DAB2IP: variants seen among roughly 807,000 people sequenced by gnomAD.
DAB2IP encodes the protein disabled homolog 2-interacting protein.
Under a neutral mutation model 107.2 loss-of-function variants are expected in DAB2IP, and 28 were observed. The ratio of observed to expected loss-of-function variants is 0.26; its 90% CI spans 0.19 to 0.36. DAB2IP has a LOEUF of 0.36. Ranked by LOEUF, DAB2IP falls within the 10% of genes least tolerant of loss-of-function variation. The pLI is 1.00. For synonymous variants in DAB2IP, 755 were observed against 706.4 expected (o/e 1.07, Z -1.09); for missense variants, 1,400 against 1,644.7 (o/e 0.85, Z 2.57).
intron 1 of DAB2IP, among the ~76,000 whole-genome samples, chr9:121,612,338 ATTATTT>A (rs1554848951): frequency 6.6e-6 from 1 of 152,068 alleles, no homozygotes; most frequent in Non-Finnish European, 1.5e-5. Flanking sequence ...AAAAAAAATT[ATTATTT>A]TTAATGTGAA....
intron 1 of DAB2IP, among the ~76,000 whole-genome samples, chr9:121,673,670 C>T (rs7028723): frequency 0.016 from 2,392 of 152,204 alleles, 47 homozygotes; most frequent in African/African-American, 0.052. Context: ...CATTGAGAAA[C>T]GTGGGTCCAG....
At chr9:121,626,854 T>G (rs1300519344) in intron 1 of DAB2IP, among the ~76,000 whole-genome samples, 2 of 151,644 alleles carry the variant, frequency 1.3e-5, no homozygotes, top group Non-Finnish European at 2.9e-5. Context: ...CTCTTGTGTT[T>G]TGAATTTCTA....
chr9:121,641,040 T>C (rs997074425), intron 1 of DAB2IP, among the ~76,000 whole-genome samples: 3 of 152,152 alleles, frequency 2.0e-5, no homozygotes, highest in African/African-American at 7.2e-5. Context: ...TAATCATTAA[T>C]TGCCAAGAGA....
At chr9:121,778,409 A>G (rs529784541) in intron 14 of DAB2IP, among the ~76,000 whole-genome samples, 60 of 152,242 alleles carry the variant, frequency 3.9e-4, no homozygotes, top group African/African-American at 1.4e-3. Context: ...GCACCATACT[A>G]TTGGGTCTTG....
At chr9:121,756,238 C>T (rs1043164399) in intron 3 of DAB2IP, among the ~76,000 whole-genome samples, 2 of 152,202 alleles carry the variant, frequency 1.3e-5, no homozygotes, top group East Asian at 3.9e-4. Flanking sequence ...GAAACAGGCT[C>T]AGAGGAGAAC....
At chr9:121,609,876 A>G (rs1831029105) in intron 1 of DAB2IP, among the ~76,000 whole-genome samples, 1 of 152,176 alleles carries the variant, frequency 6.6e-6, no homozygotes, top group South Asian at 2.1e-4. Context: ...CAAGAATCCC[A>G]GTTTTGCAGC....
chr9:121,631,370 G>A (rs1356906960), intron 1 of DAB2IP, among the ~76,000 whole-genome samples: 5 of 152,022 alleles, frequency 3.3e-5, no homozygotes, highest in Non-Finnish European at 7.4e-5. Flanking sequence ...TAAGAGACAG[G>A]GGAAAGCAGG....
At chr9:121,582,515 C>A (rs560345459) in intron 1 of DAB2IP, among the ~76,000 whole-genome samples, 7 of 152,210 alleles carry the variant, frequency 4.6e-5, no homozygotes, top group Admixed American at 3.9e-4. Flanking sequence ...TCTGGCCCCA[C>A]ATCCCCTGCT....
At chr9:121,679,815 G>A (rs572422096) in intron 2 of DAB2IP, among the ~76,000 whole-genome samples, 2 of 152,154 alleles carry the variant, frequency 1.3e-5, no homozygotes, top group South Asian at 2.1e-4. Flanking sequence ...CTTTTGAGCT[G>A]CATCTTGAAG....
At chr9:121,775,878 C>G (rs190641799) in intron 13 of DAB2IP, among the ~76,000 whole-genome samples, 1 of 152,292 alleles carries the variant, frequency 6.6e-6, no homozygotes, top group Admixed American at 6.5e-5. Context: ...GTTTTTTAAC[C>G]TTTGTCATAT....
At chr9:121,756,115 C>T (rs1833458360) in intron 3 of DAB2IP, among the ~76,000 whole-genome samples, 1 of 152,152 alleles carries the variant, frequency 6.6e-6, no homozygotes, top group African/African-American at 2.4e-5. Flanking sequence ...TCTGTCCCAC[C>T]GTGGGGGCTG....
rs1167406247 is a variant in DAB2IP at position 121,699,478 on chromosome 9, C to T, written c.362+20C>T. The stretch of plus-strand genomic sequence containing the variant: ...TGAGAGGTGAGCCCGCCGCCGCCGC[C>T]CGGTCCCCCGCGCCGCCGCCCCGGG... On this transcript the variant is annotated intron_variant, in intron 3 of 15. Transcript: ENST00000408936. This position sits in a 1 kb window ranked among gnomAD's most constrained non-coding sequence, Gnocchi z 6.2. 1 of 1,296,290 alleles carries T rather than the reference C, an allele frequency of 7.7e-7. No individual in the cohort carries two copies. 80.3% of individuals were successfully genotyped at this position (1,296,290 alleles called of 1,614,324 possible). A position where few individuals can be genotyped will look rare whatever the true frequency, so the allele number is the denominator to read the frequency against.
At chr9:121,766,214 A>C (rs894207708) in intron 8 of DAB2IP, among the ~76,000 whole-genome samples, 5 of 152,166 alleles carry the variant, frequency 3.3e-5, no homozygotes, top group Non-Finnish European at 7.4e-5. Context: ...CCAGCTCCTC[A>C]TGCCTCCTCC....
Position 121,699,315 on chromosome 9 carries a change from C to G in DAB2IP, c.229-10C>G. 2.1e-6 allele frequency: 3 copies of G among 1,443,250 alleles called. No individual in the cohort carries two copies. Among genetic ancestry groups the G allele is most frequent in the Non-Finnish European group, 9.2e-7 (1 of 1,084,026 alleles). The allele number at this position is 1,443,250 out of a possible 1,614,324, so 89.4% of individuals were successfully genotyped here. On this transcript the variant is annotated splice_polypyrimidine_tract_variant and intron_variant, in intron 2 of 15. Coordinates refer to ENST00000408936, the Ensembl canonical transcript of DAB2IP. This position sits in a 1 kb window ranked among gnomAD's most constrained non-coding sequence, Gnocchi z 6.2. ...GCCTCCCCTTCCCCCTCTTGTCCCC[C>G]CGTGCGCAGGGCTTCCTCAGCCGCC... is the stretch of plus-strand genomic sequence containing the variant.
chr9:121,659,584 G>A (rs1473165499), intron 1 of DAB2IP, among the ~76,000 whole-genome samples: 1 of 152,112 alleles, frequency 6.6e-6, no homozygotes, highest in African/African-American at 2.4e-5. Flanking sequence ...ACGAGGTCAG[G>A]AGATCGAGAC....
At chr9:121,616,257 C>G (rs1397131825) in intron 1 of DAB2IP, among the ~76,000 whole-genome samples, 1 of 152,196 alleles carries the variant, frequency 6.6e-6, no homozygotes, top group Admixed American at 6.5e-5. Flanking sequence ...TGAGGCACAG[C>G]CTTCTCCTGC....
intron 3 of DAB2IP, among the ~76,000 whole-genome samples, chr9:121,749,556 A>G (rs1046804420): frequency 6.6e-6 from 1 of 152,194 alleles, no homozygotes; most frequent in African/African-American, 2.4e-5. Flanking sequence ...GGTAGTGGAC[A>G]GTGGCTTGGG....
chr9:121,682,888 G>A (rs901752487), intron 2 of DAB2IP, among the ~76,000 whole-genome samples: 1 of 151,998 alleles, frequency 6.6e-6, no homozygotes, highest in Non-Finnish European at 1.5e-5. Context: ...GTAGGGGAGT[G>A]GCTCTCCAGG....
rs910171357 is a variant in DAB2IP at position 121,622,056 on chromosome 9, T to C, written c.40+54828T>C. 3.5e-5 allele frequency among the ~76,000 whole-genome samples: 5 copies of C among 144,502 alleles called. No individual in the cohort carries two copies. In the Admixed American group the frequency reaches 3.6e-4, roughly 10 times the overall value. 94.8% of individuals were successfully genotyped at this position (144,502 alleles called of 152,430 possible). A position where few individuals can be genotyped will look rare whatever the true frequency, so the allele number is the denominator to read the frequency against. On this transcript the variant is annotated intron_variant, in intron 1 of 16. Transcript: ENST00000259371. Reference sequence around the variant, plus strand: ...CAGGCTGGAGTGCAGTGGCGCGATCTCAGCTCACTGCAACCTCTGCCTCCT... The same window carrying C: ...CAGGCTGGAGTGCAGTGGCGCGATCCCAGCTCACTGCAACCTCTGCCTCCT...
Sources: gnomAD v4.1 joint callset for allele counts (sites outside exome capture counted in the v4.1 genomes callset) on GRCh38, gnomAD v4.1.1 for gene constraint, Gnocchi (gnomAD v3.1) non-coding constraint, MANE v1.5 for transcripts, NCBI Gene and HGNC (gene_info 2026-07-23, HGNC 2026-07-21) for gene names.